Variants in SRBD1 observed in about 807,000 individuals in gnomAD.
The protein encoded by SRBD1 is S1 RNA-binding domain-containing protein 1.
Under a neutral mutation model 115.3 loss-of-function variants are expected in SRBD1, and 88 were observed. That is an observed-to-expected ratio of 0.76 (90% confidence interval 0.64 to 0.91). The LOEUF is 0.91. SRBD1 is among the 40% of genes least tolerant of loss of function. SRBD1 has a pLI of 0.00. For synonymous variants in SRBD1, 509 were observed against 407.7 expected, an observed-to-expected ratio of 1.25 and a Z score of -2.99; for missense variants, 1,385 against 1,177.4, an observed-to-expected ratio of 1.18 and a Z score of -2.58.
intron 10 of SRBD1, 29 bp from the exon 11 acceptor site, chr2:45,553,759 C>A (rs926159214): frequency 7.6e-6 from 11 of 1,443,322 alleles, no homozygotes; most frequent in Non-Finnish European, 1.0e-5. Flanking sequence ...CACACTAAAA[C>A]TGATGCAACA....
chr2:45,397,163 A>G (rs950605610), intron 19 of SRBD1, among the ~76,000 whole-genome samples: 1 of 152,220 alleles, frequency 6.6e-6, no homozygotes, highest in African/African-American at 2.4e-5. Flanking sequence ...TCTGTAATAC[A>G]GGTTAAATAT....
intron 14 of SRBD1, among the ~76,000 whole-genome samples, chr2:45,494,134 T>C (rs1670384814): frequency 6.6e-6 from 1 of 152,180 alleles, no homozygotes; most frequent in African/African-American, 2.4e-5. Context: ...AGAATTATTA[T>C]TGTAAAATAT....
At chr2:45,511,820 G>A (rs1330521304) in intron 14 of SRBD1, among the ~76,000 whole-genome samples, 1 of 152,148 alleles carries the variant, frequency 6.6e-6, no homozygotes, top group East Asian at 1.9e-4. Context: ...GCTAAGCAGT[G>A]ACAAACAGAT....
chr2:45,497,789 C>G (rs1174817686), intron 14 of SRBD1, among the ~76,000 whole-genome samples: 1 of 151,928 alleles, frequency 6.6e-6, no homozygotes, highest in Non-Finnish European at 1.5e-5. Context: ...GTAATCTCAG[C>G]ACTTTGGGAG....
intron 15 of SRBD1, among the ~76,000 whole-genome samples, chr2:45,483,017 C>T (rs573289431): frequency 5.3e-5 from 8 of 151,950 alleles, no homozygotes; most frequent in South Asian, 2.1e-4. Flanking sequence ...TCCGTGGGCA[C>T]GTGCACAGGG....
intron 19 of SRBD1, among the ~76,000 whole-genome samples, chr2:45,400,816 T>C (rs1667272207): frequency 1.4e-5 from 2 of 139,234 alleles, no homozygotes; most frequent in Admixed American, 1.7e-4. Context: ...AACTGAGGTA[T>C]AGAGAGGTTA....
At chr2:45,460,630 CTT>C (rs1417840485) in intron 16 of SRBD1, among the ~76,000 whole-genome samples, 2 of 152,168 alleles carry the variant, frequency 1.3e-5, no homozygotes, top group Non-Finnish European at 2.9e-5. Flanking sequence ...GAGTAACAGA[CTT>C]TTCAAAACCA....
chr2:45,479,682 T>C (rs1159290147), intron 15 of SRBD1, among the ~76,000 whole-genome samples: 1 of 152,198 alleles, frequency 6.6e-6, no homozygotes. Context: ...GAAACAGCAA[T>C]TGCTGATGTA....
intron 11 of SRBD1, among the ~76,000 whole-genome samples, chr2:45,552,127 G>C (rs1410426071): frequency 6.6e-6 from 1 of 152,180 alleles, no homozygotes; most frequent in African/African-American, 2.4e-5. Context: ...GAATGATCAT[G>C]ACAGTCACGG....
chr2:45,420,408 C>T (rs138419099), intron 16 of SRBD1, among the ~76,000 whole-genome samples: 7 of 152,220 alleles, frequency 4.6e-5, no homozygotes, highest in African/African-American at 1.2e-4. Context: ...AAATCAAACT[C>T]GTTTCATCAA....
intron 10 of SRBD1, among the ~76,000 whole-genome samples, chr2:45,555,685 G>A (rs1672452764): frequency 6.6e-6 from 1 of 151,806 alleles, no homozygotes; most frequent in African/African-American, 2.4e-5. Context: ...GTAGAGATGG[G>A]GTTTCACTGT....
chr2:45,447,329 C>A (rs112955175), intron 16 of SRBD1: 2,010 of 152,528 alleles, frequency 0.013, 38 homozygotes, highest in African/African-American at 0.039. Context: ...CGCCTGTAGT[C>A]CCAGCTACTT....
intron 10 of SRBD1, among the ~76,000 whole-genome samples, chr2:45,556,199 T>C (rs1672470603): frequency 6.6e-6 from 1 of 152,132 alleles, no homozygotes; most frequent in Admixed American, 6.5e-5. Context: ...TGCTCCCTAC[T>C]GTAACATTTG....
At chr2:45,418,854 T>C (rs1009488335) in intron 17 of SRBD1, among the ~76,000 whole-genome samples, 3 of 152,208 alleles carry the variant, frequency 2.0e-5, no homozygotes, top group Non-Finnish European at 2.9e-5. Flanking sequence ...ACATTCCTTA[T>C]GTTTCTGGAT....
chr2:45,465,044 C>CAT (rs1226953180), intron 16 of SRBD1, among the ~76,000 whole-genome samples: 6 of 137,896 alleles, frequency 4.4e-5, no homozygotes, highest in East Asian at 2.0e-4. Flanking sequence ...CACACACACA[C>CAT]ACACAGAGTC....
chr2:45,487,975 C>G (rs1215275273), intron 15 of SRBD1, among the ~76,000 whole-genome samples: 1 of 152,094 alleles, frequency 6.6e-6, no homozygotes, highest in Non-Finnish European at 1.5e-5. Context: ...ACTGAACTCT[C>G]TAGCATTTAA....
intron 16 of SRBD1, among the ~76,000 whole-genome samples, chr2:45,473,746 C>T (rs953336628): frequency 2.0e-5 from 3 of 152,160 alleles, no homozygotes; most frequent in Admixed American, 1.3e-4. Flanking sequence ...TCCTCTTTAT[C>T]ACGTATTCTG....
intron 15 of SRBD1, among the ~76,000 whole-genome samples, chr2:45,485,756 C>G (rs1049261026): frequency 2.6e-5 from 4 of 152,062 alleles, no homozygotes; most frequent in African/African-American, 9.7e-5. Flanking sequence ...GGTAAAAAAT[C>G]CACACTCGTA....
chr2:45,509,598 A>ACAC (rs1670903470), intron 14 of SRBD1, among the ~76,000 whole-genome samples: 2 of 125,442 alleles, frequency 1.6e-5, no homozygotes, highest in African/African-American at 6.0e-5. Flanking sequence ...TCCGTCTCAA[A>ACAC]ACACACACAC....
Sources: gnomAD v4.1 joint callset for allele counts (sites outside exome capture counted in the v4.1 genomes callset) on GRCh38, gnomAD v4.1.1 for gene constraint, MANE v1.5 for transcripts, NCBI Gene and HGNC (gene_info 2026-07-23, HGNC 2026-07-21) for gene names.